The following RNF10 variants were observed in gnomAD, a reference collection of about 807,000 sequenced individuals.
RNF10 encodes ring finger protein 10, also known as E3 ubiquitin-protein ligase RNF10.
RNF10 carries 38 observed loss-of-function variants against 91.4 expected under a neutral mutation model. The observed-to-expected ratio is 0.42, with a 90% CI of 0.32 to 0.54. The LOEUF is 0.54. Among genes scored for constraint, RNF10 ranks in the 20% least tolerant of loss-of-function variants. The probability of loss-of-function intolerance (pLI) is 0.16; values close to 1 mark genes in which losing one functional copy is unlikely to be tolerated. For synonymous variants in RNF10, 364 were observed against 366.3 expected (o/e 0.99, Z 0.07); for missense variants, 945 against 1,012.0 (o/e 0.93, Z 0.90).
chr12:120,559,060 A>G (rs1874436947), intron 6 of RNF10, among the ~76,000 whole-genome samples: 1 of 53,212 alleles, frequency 1.9e-5, no homozygotes, highest in East Asian at 6.8e-4. Context: ...TTTTAATTTT[A>G]AATTATTTTT....
At position 120,534,793 on chromosome 12, in the gene RNF10, G is replaced by T; in HGVS notation, c.-19G>T. 1 of 1,550,702 alleles carries T rather than the reference G, an allele frequency of 6.4e-7. No individual in the cohort carries two copies. On this transcript the variant is annotated 5_prime_UTR_variant, in exon 1 of 17. Transcript: ENST00000325954. ...CGCCCGCTCCGCTCCGACTGCCGTC[G>T]CCGCCGAGGCCCCCGTTGATGCCGC...
At position 120,577,244 on chromosome 12, in the gene RNF10, T is replaced by A; in HGVS notation, c.*578T>A. The A allele has an allele frequency of 6.8e-6, 3 of 440,020 alleles. No individual in the cohort carries two copies. Among genetic ancestry groups the A allele is most frequent in the South Asian group, 4.9e-5 (3 of 61,774 alleles). The allele number at this position is 440,020 out of a possible 1,614,324, so 27.3% of individuals were successfully genotyped here. Reference sequence around the variant, plus strand: ...GCCAGCTTAATGGAGTAGGCTGTCCTTGGCACTTGCATGTGTGAAAGGAGG... The same window carrying A: ...GCCAGCTTAATGGAGTAGGCTGTCCATGGCACTTGCATGTGTGAAAGGAGG... On this transcript the variant is annotated 3_prime_UTR_variant, in exon 17 of 17. Transcript: ENST00000325954.
intron 4 of RNF10, among the ~76,000 whole-genome samples, chr12:120,555,745 C>A (rs1245668716): frequency 6.6e-6 from 1 of 151,856 alleles, no homozygotes; most frequent in African/African-American, 2.4e-5. Flanking sequence ...ATCCTCCCGA[C>A]TTGGCCTCCC....
At chr12:120,566,569 C>T (rs942799009) in intron 12 of RNF10, among the ~76,000 whole-genome samples, 2 of 152,028 alleles carry the variant, frequency 1.3e-5, no homozygotes, top group Non-Finnish European at 2.9e-5. Context: ...CAAGACCAGG[C>T]TGGACAACAT....
intron 2 of RNF10, 142 bp downstream of exon 2, chr12:120,546,743 G>A: frequency 1.6e-6 from 1 of 628,344 alleles, no homozygotes; most frequent in Non-Finnish European, 2.4e-6. Flanking sequence ...AGGCGAGAGG[G>A]TTAACCAGGT....
In RNF10 at chr12:120,560,806, G is replaced by T. The variant is rs1180624436; in HGVS notation, c.1048G>T (p.Val350Leu). 2 of 1,614,116 alleles carry T rather than the reference G, an allele frequency of 1.2e-6. No homozygotes were observed. The highest frequency in any genetic ancestry group is 1.7e-6 in the Non-Finnish European group (2 of 1,180,006). The change falls in exon 7 of 17, where the codon GTA (valine) becomes TTA (leucine). Residue 350 changes from valine to leucine, a missense_variant. Val to Leu is a conservative substitution (Grantham distance 32). Transcript: ENST00000325954. ...VLHRVVLEEK[V>L]ALEQQLAEEK... ...GCACCGGGTAGTTCTGGAGGAGAAA[G>T]TAGCACTAGAGCAGCAGCTGGCAGA...
At chr12:120,550,797 T>C (rs1012134515) in intron 2 of RNF10, among the ~76,000 whole-genome samples, 2 of 151,740 alleles carry the variant, frequency 1.3e-5, no homozygotes, top group East Asian at 1.9e-4. Flanking sequence ...AGGGTTTCAC[T>C]GTGTTAGCCA....
chr12:120,560,804 A>G lies in RNF10; in HGVS notation c.1046A>G (p.Lys349Arg), dbSNP rs1481942222. The G allele has an allele frequency of 6.2e-7, 1 of 1,614,114 alleles. No individual in the cohort carries two copies. Among genetic ancestry groups the G allele is most frequent in the Non-Finnish European group, 8.5e-7 (1 of 1,180,014 alleles). Residue 349 changes from lysine to arginine, a missense_variant, in exon 7 of 17, where the codon AAA becomes AGA. Coordinates refer to ENST00000325954, the MANE Select transcript of RNF10 (RefSeq NM_014868.5). Reference sequence around the variant, plus strand: ...CTGCACCGGGTAGTTCTGGAGGAGAAAGTAGCACTAGAGCAGCAGCTGGCA... The same window carrying G: ...CTGCACCGGGTAGTTCTGGAGGAGAGAGTAGCACTAGAGCAGCAGCTGGCA... ...QVLHRVVLEEKVALEQQLAEE... is the reference protein window; with the variant it reads ...QVLHRVVLEERVALEQQLAEE...
chr12:120,563,240 A>G (rs931200950), intron 8 of RNF10, 107 bp from the exon 9 acceptor site: 351 of 1,481,406 alleles, frequency 2.4e-4, no homozygotes, highest in Admixed American at 1.5e-3. Flanking sequence ...TGAACACGAC[A>G]GCTAAGATAA....
Position 120,546,441 on chromosome 12 carries a change from G to T in RNF10, c.194G>T (p.Arg65Leu), listed in dbSNP as rs111483466. The T allele has an allele frequency of 3.6e-5, 58 of 1,613,430 alleles. No individual in the cohort carries two copies. The highest frequency in any genetic ancestry group is 4.7e-5 in the Non-Finnish European group (55 of 1,179,788). Reference sequence around the variant, plus strand: ...TCCAGTGGATCCAAGCGTTATAATCGCAAACGTGAACTTTCCTACCCCAAA... The same window carrying T: ...TCCAGTGGATCCAAGCGTTATAATCTCAAACGTGAACTTTCCTACCCCAAA... Reference protein sequence around the residue: ...KNSSGSKRYNRKRELSYPKNE... With the variant: ...KNSSGSKRYNLKRELSYPKNE... Residue 65 changes from arginine (R) to leucine (L), a missense_variant, in exon 2 of 17, where the codon CGC becomes CTC. By Grantham distance (102) the Arg-to-Leu change is moderately radical (BLOSUM62 -2). Transcript: ENST00000325954.
At chr12:120,562,867 A>C in intron 7 of RNF10, 78 bp from the exon 8 acceptor site, 1 of 1,590,686 alleles carries the variant, frequency 6.3e-7, no homozygotes, top group Non-Finnish European at 8.6e-7. Flanking sequence ...TTGAGAGGCC[A>C]TTCTAAGCCC....
At chr12:120,554,613 C>A in intron 3 of RNF10, 105 bp from the exon 4 acceptor site, 1 of 868,716 alleles carries the variant, frequency 1.2e-6, no homozygotes, top group Non-Finnish European at 1.9e-6. Context: ...ACCAGGGCTG[C>A]TAATGGCCTG....
At position 120,534,859 on chromosome 12, in the gene RNF10, C is replaced by T; in HGVS notation, c.48C>T (p.Asp16=). The T allele has an allele frequency of 6.2e-7, 1 of 1,608,164 alleles. No homozygotes were observed. The highest frequency in any genetic ancestry group is 8.5e-7 in the Non-Finnish European group (1 of 1,179,568). Residue 16 remains aspartate, a synonymous_variant, in exon 1 of 17, where the codon GAC becomes GAT. Transcript: ENST00000325954. ...PNAAATASDM[D]KNSGSNSSSA... ...CCGCCGCCACCGCCTCCGACATGGA[C>T]AAGAACAGCGGCTCCAACAGCTCCT...
chr12:120,565,098 C>G lies in RNF10; in HGVS notation c.1692C>G (p.Leu564=), dbSNP rs1388363969. The G allele has an allele frequency of 2.5e-6, 4 of 1,613,706 alleles. No homozygotes were observed. The highest frequency in any genetic ancestry group is 2.5e-6 in the Non-Finnish European group (3 of 1,179,714). Residue 564 remains leucine (L), a synonymous_variant, in exon 11 of 17, where the codon CTC becomes CTG. Coordinates refer to ENST00000325954, the MANE Select transcript of RNF10 (RefSeq NM_014868.5). ...SEDVRQRHRY[L]SHLPLTCEFS... ...ATGTTCGACAGCGTCACAGATATCTCTCTCACTTGCCACTCACCTGTGAGT... is the reference window on the plus strand; with the variant it reads ...ATGTTCGACAGCGTCACAGATATCTGTCTCACTTGCCACTCACCTGTGAGT...
At position 120,576,962 on chromosome 12, in the gene RNF10, C is replaced by T; in HGVS notation, c.*296C>T. ...CCCATGTGTAATTAATTTTTCTCAA[C>T]CCAAAGTAAGATTGAGTCCCCTTTG... On this transcript the variant is annotated 3_prime_UTR_variant, in exon 17 of 17. Coordinates refer to ENST00000325954, the MANE Select transcript of RNF10 (RefSeq NM_014868.5). 1 of 373,950 alleles carries T rather than the reference C, an allele frequency of 2.7e-6. No homozygotes were observed. Among genetic ancestry groups the T allele is most frequent in the Non-Finnish European group, 5.0e-6 (1 of 199,214 alleles). 23.2% of individuals were successfully genotyped at this position (373,950 alleles called of 1,614,324 possible).
intron 7 of RNF10, among the ~76,000 whole-genome samples, chr12:120,561,791 C>T (rs1045607258): frequency 2.6e-5 from 4 of 152,104 alleles, no homozygotes; most frequent in Admixed American, 6.6e-5. Flanking sequence ...TTCTATAATA[C>T]GTTGCAGCCG....
chr12:120,548,470 G>A (rs763602182), intron 2 of RNF10, among the ~76,000 whole-genome samples: 9 of 152,106 alleles, frequency 5.9e-5, no homozygotes, highest in Non-Finnish European at 1.3e-4. Flanking sequence ...AAGTGTTGCT[G>A]ATAGGTTAAG....
chr12:120,573,627 C>G (rs1009018714), intron 14 of RNF10, among the ~76,000 whole-genome samples: 1 of 151,512 alleles, frequency 6.6e-6, no homozygotes, highest in Admixed American at 6.6e-5. Context: ...ACTCTGCTGG[C>G]TGGAGGACTG....
rs945525671 is a variant in RNF10 at position 120,542,753 on chromosome 12, A to G, written c.158-3652A>G. On this transcript the variant is annotated intron_variant, in intron 1 of 16. Transcript: ENST00000325954. ...TTTCTAGTAAAGATGGGGCTTCACC[A>G]TGTTGGCCAGGCTGGTCTCGAACTT... 5.9e-5 allele frequency among the ~76,000 whole-genome samples: 9 copies of G among 152,204 alleles called. No homozygotes were observed. In the East Asian group the frequency reaches 1.7e-3, roughly 29 times the overall value.
Sources: gnomAD v4.1 joint callset for allele counts (sites outside exome capture counted in the v4.1 genomes callset) on GRCh38, gnomAD v4.1.1 for gene constraint, MANE v1.5 for transcripts, NCBI Gene and HGNC (gene_info 2026-07-23, HGNC 2026-07-21) for gene names.